Variants in GDAP1 observed in about 807,000 individuals in gnomAD.
The protein encoded by GDAP1 is ganglioside-induced differentiation-associated protein 1.
A neutral mutation model predicts 40.1 loss-of-function variants in GDAP1; 34 were observed. The ratio of observed to expected loss-of-function variants is 0.85; its 90% CI spans 0.64 to 1.13. The LOEUF is 1.13. GDAP1 is among the 50% of genes most tolerant of loss of function. The pLI is 0.00. For missense variants in GDAP1, 374 were observed against 433.7 expected (o/e 0.86, Z 1.22); for synonymous variants, 170 against 157.4 (o/e 1.08, Z -0.60).
intron 2 of GDAP1, among the ~76,000 whole-genome samples, chr8:74,399,810 C>T (rs1172674567): frequency 3.7e-5 from 5 of 133,956 alleles, no homozygotes; most frequent in Non-Finnish European, 7.6e-5. Flanking sequence ...GTTATGTACC[C>T]AGTAGTCATT....
chr8:74,437,355 C>A (rs1309178304), intron 2 of GDAP1, among the ~76,000 whole-genome samples: 1 of 152,162 alleles, frequency 6.6e-6, no homozygotes, highest in Non-Finnish European at 1.5e-5. Flanking sequence ...AGCTAGGAAT[C>A]TAGTACTTTT....
rs1040881525 is a variant in GDAP1, at chr8:74,363,591, C to A, written c.695-394C>A. On this transcript the variant is annotated intron_variant, in intron 5 of 5. Transcript: ENST00000220822. ...TTTAAATGACTAAGAGCAGTAGCCA[C>A]TGAGTGATGTTTCAGACTCAGCTTT... Among the ~76,000 whole-genome samples the A allele has an allele frequency of 3.3e-5, 5 of 152,364 alleles. No homozygotes were observed. The East Asian group carries it at 9.7e-4, about 29-fold the overall frequency.
At position 74,366,580 on chromosome 8, in the gene GDAP1, C is replaced by A; in HGVS notation, c.*2213C>A. 4.4e-6 allele frequency: 2 copies of A among 453,408 alleles called. No individual in the cohort carries two copies. Among genetic ancestry groups the A allele is most frequent in the Non-Finnish European group, 8.8e-6 (2 of 226,534 alleles). 28.1% of individuals were successfully genotyped at this position (453,408 alleles called of 1,614,324 possible). A position where few individuals can be genotyped will look rare whatever the true frequency, so the allele number is the denominator to read the frequency against. ...ATCGGTGACTGGTCAGTGTACTCATCAATTTCCAAAATTTGTATAAATATC... is the reference window on the plus strand; with the variant it reads ...ATCGGTGACTGGTCAGTGTACTCATAAATTTCCAAAATTTGTATAAATATC... On this transcript the variant is annotated 3_prime_UTR_variant, in exon 6 of 6. Transcript: ENST00000220822.
intron 2 of GDAP1, among the ~76,000 whole-genome samples, chr8:74,470,382 T>C (rs1032243978): frequency 6.6e-6 from 1 of 152,182 alleles, no homozygotes; most frequent in Non-Finnish European, 1.5e-5. Flanking sequence ...TAGGTATATC[T>C]CCTAATGCTC....
downstream of GDAP1, among the ~76,000 whole-genome samples, chr8:74,370,368 G>A (rs947774489): frequency 6.6e-6 from 1 of 152,212 alleles, no homozygotes; most frequent in Non-Finnish European, 1.5e-5. Context: ...TTAGTGATAT[G>A]TAAAGAATGA....
chr8:74,411,132 C>G (rs1165388728), intron 2 of GDAP1, among the ~76,000 whole-genome samples: 1 of 150,016 alleles, frequency 6.7e-6, no homozygotes, highest in Non-Finnish European at 1.5e-5. Flanking sequence ...GCTTCTTTTC[C>G]TTCTGCTATG....
intron 2 of GDAP1, among the ~76,000 whole-genome samples, chr8:74,402,039 C>T (rs896450426): frequency 6.7e-6 from 1 of 150,234 alleles, no homozygotes; most frequent in Admixed American, 6.6e-5. Context: ...TGCCCGTTCT[C>T]AGATCTCCAG....
intron 2 of GDAP1, among the ~76,000 whole-genome samples, chr8:74,455,378 T>A (rs1186508658): frequency 1.3e-5 from 2 of 151,920 alleles, no homozygotes; most frequent in African/African-American, 4.8e-5. Context: ...TCCATTATTT[T>A]AGGTGTAACC....
At chr8:74,448,032 G>A (rs1806254241) in intron 2 of GDAP1, among the ~76,000 whole-genome samples, 1 of 152,090 alleles carries the variant, frequency 6.6e-6, no homozygotes, top group South Asian at 2.1e-4. Context: ...GAAATTACCT[G>A]GTGGAGGAAA....
At chr8:74,487,627 T>TG (rs1432792247) in intron 2 of GDAP1, among the ~76,000 whole-genome samples, 5 of 152,212 alleles carry the variant, frequency 3.3e-5, no homozygotes, top group Non-Finnish European at 1.5e-5. Context: ...TGTGTTCCAT[T>TG]GGTCCTTTTT....
intron 2 of GDAP1, among the ~76,000 whole-genome samples, chr8:74,394,294 G>T (rs993180424): frequency 5.9e-5 from 9 of 152,124 alleles, no homozygotes; most frequent in African/African-American, 2.2e-4. Flanking sequence ...CCTCCCACTG[G>T]GTCCCTCCCA....
intron 2 of GDAP1, among the ~76,000 whole-genome samples, chr8:74,414,576 A>G (rs1443208069): frequency 3.3e-5 from 5 of 149,836 alleles, no homozygotes; most frequent in Non-Finnish European, 7.4e-5. Context: ...GAGTCACTGA[A>G]CTTGAAGATA....
intron 2 of GDAP1, among the ~76,000 whole-genome samples, chr8:74,464,560 A>G (rs1320089238): frequency 6.6e-6 from 1 of 152,230 alleles, no homozygotes; most frequent in African/African-American, 2.4e-5. Context: ...TGAAAAACAT[A>G]TGGTTGTCCC....
intron 2 of GDAP1, among the ~76,000 whole-genome samples, chr8:74,436,262 A>G (rs78218712): frequency 0.034 from 5,155 of 152,272 alleles, 121 homozygotes; most frequent in Non-Finnish European, 0.047. Context: ...AGCTGGACCA[A>G]TGCTGTATCC....
intron 2 of GDAP1, among the ~76,000 whole-genome samples, chr8:74,407,042 GA>G (rs1805649713): frequency 1.3e-5 from 2 of 149,512 alleles, no homozygotes; most frequent in Non-Finnish European, 2.9e-5. Flanking sequence ...TGGCATACTT[GA>G]AAAAAATTCT....
chr8:74,438,537 C>T (rs886613266), intron 2 of GDAP1, among the ~76,000 whole-genome samples: 5 of 152,156 alleles, frequency 3.3e-5, no homozygotes, highest in South Asian at 2.1e-4. Context: ...GTATATTGGA[C>T]GTAAGGCTTT....
rs1286899261 is a variant in GDAP1, at chr8:74,469,624, G to T, written c.166-19054G>T. 2.0e-5 allele frequency among the ~76,000 whole-genome samples: 3 copies of T among 149,962 alleles called. No homozygotes were observed. The South Asian group carries it at 6.3e-4, about 32-fold the overall frequency. Reference sequence around the variant, plus strand: ...GCGGAGCTTGCAGTGAGCCGAGATCGCGCCACTGCACTCCAGCCTGGGCTA... The same window carrying T: ...GCGGAGCTTGCAGTGAGCCGAGATCTCGCCACTGCACTCCAGCCTGGGCTA... On this transcript the variant is annotated intron_variant, in intron 2 of 2. Transcript: ENST00000523640.
chr8:74,407,686 C>T (rs1805659062), intron 2 of GDAP1, among the ~76,000 whole-genome samples: 1 of 133,296 alleles, frequency 7.5e-6, no homozygotes, highest in Non-Finnish European at 1.6e-5. Flanking sequence ...TTAGTTCTGT[C>T]CCTCTAGAAA....
intron 2 of GDAP1, among the ~76,000 whole-genome samples, chr8:74,407,820 T>C (rs1355284363): frequency 7.0e-6 from 1 of 142,426 alleles, no homozygotes; most frequent in Non-Finnish European, 1.5e-5. Flanking sequence ...GCAGGCCGCA[T>C]TCCTGGTCAG....
Sources: gnomAD v4.1 joint callset for allele counts (sites outside exome capture counted in the v4.1 genomes callset) on GRCh38, gnomAD v4.1.1 for gene constraint, MANE v1.5 for transcripts, NCBI Gene and HGNC (gene_info 2026-07-23, HGNC 2026-07-21) for gene names.